Variants in CNTNAP2 observed in about 807,000 individuals in gnomAD.
CNTNAP2 encodes contactin-associated protein-like 2.
Under a neutral mutation model 155.2 loss-of-function variants are expected in CNTNAP2, and 98 were observed. That is an observed-to-expected ratio of 0.63 (90% CI 0.54 to 0.75). The LOEUF (loss-of-function observed/expected upper bound fraction) is 0.75, where lower values mean the gene tolerates loss of function less well. CNTNAP2 is among the 30% of genes least tolerant of loss of function. CNTNAP2 has a pLI of 0.00. For synonymous variants in CNTNAP2, 651 were observed against 631.2 expected, an observed-to-expected ratio of 1.03 and a Z score of -0.47; for missense variants, 1,727 against 1,688.1, an observed-to-expected ratio of 1.02 and a Z score of -0.40.
chr7:147,174,971 C>G (rs1299976237), intron 8 of CNTNAP2, among the ~76,000 whole-genome samples: 1 of 152,048 alleles, frequency 6.6e-6, no homozygotes, highest in Non-Finnish European at 1.5e-5. Context: ...TTACATCAAC[C>G]ATACCGCCGA....
intron 10 of CNTNAP2, among the ~76,000 whole-genome samples, chr7:147,438,892 G>A (rs1352234126): frequency 6.6e-6 from 1 of 151,864 alleles, no homozygotes; most frequent in African/African-American, 2.4e-5. Context: ...GTTGCTCATA[G>A]TAGCCACTGA....
At chr7:147,579,464 G>A (rs910748216) in intron 12 of CNTNAP2, among the ~76,000 whole-genome samples, 7 of 152,192 alleles carry the variant, frequency 4.6e-5, no homozygotes, top group African/African-American at 1.4e-4. Context: ...GTTATAATAT[G>A]CCAGTGATAC....
chr7:146,148,491 A>G (rs1562967884), intron 1 of CNTNAP2, among the ~76,000 whole-genome samples: 1 of 152,158 alleles, frequency 6.6e-6, no homozygotes, highest in African/African-American at 2.4e-5. Context: ...GGTTAATTAC[A>G]TAGTAATGAA....
intron 14 of CNTNAP2, among the ~76,000 whole-genome samples, chr7:147,938,598 T>A (rs1800658738): frequency 6.6e-6 from 1 of 152,156 alleles, no homozygotes. Context: ...ATTACAGGAA[T>A]ATGAAGATAA....
chr7:147,512,944 A>T (rs1799047524), intron 11 of CNTNAP2, among the ~76,000 whole-genome samples: 2 of 152,190 alleles, frequency 1.3e-5, no homozygotes, highest in Admixed American at 1.3e-4. Context: ...TGTTTGACAG[A>T]GAAAACATAA....
chr7:147,726,590 C>T (rs556084271), intron 13 of CNTNAP2, among the ~76,000 whole-genome samples: 1 of 151,962 alleles, frequency 6.6e-6, no homozygotes, highest in South Asian at 2.1e-4. Flanking sequence ...AGCAAGGGTC[C>T]GAGAAGGTTG....
intron 1 of CNTNAP2, among the ~76,000 whole-genome samples, chr7:146,510,099 G>C (rs1410216121): frequency 6.6e-6 from 1 of 152,196 alleles, no homozygotes; most frequent in Non-Finnish European, 1.5e-5. Context: ...CTGGTGAACA[G>C]GTGGCAGGCA....
At chr7:147,201,860 G>A (rs1247291395) in intron 8 of CNTNAP2, among the ~76,000 whole-genome samples, 1 of 152,210 alleles carries the variant, frequency 6.6e-6, no homozygotes, top group African/African-American at 2.4e-5. Flanking sequence ...ATCTAGCATT[G>A]TACATTAAAG....
intron 11 of CNTNAP2, among the ~76,000 whole-genome samples, chr7:147,527,929 A>G (rs1799355917): frequency 6.6e-6 from 1 of 152,224 alleles, no homozygotes; most frequent in East Asian, 1.9e-4. Flanking sequence ...AACAAACAAA[A>G]AAAGTGCATT....
chr7:146,953,641 T>A (rs1231941495), intron 3 of CNTNAP2, among the ~76,000 whole-genome samples: 1 of 151,970 alleles, frequency 6.6e-6, no homozygotes, highest in African/African-American at 2.4e-5. Context: ...AAAATCTTTG[T>A]TTATTAATTT....
intron 13 of CNTNAP2, among the ~76,000 whole-genome samples, chr7:147,818,503 G>A (rs185848867): frequency 1.5e-3 from 224 of 152,264 alleles, no homozygotes; most frequent in Non-Finnish European, 2.3e-3. Context: ...TGGATGCCCC[G>A]TGCACTCACG....
rs187540850 is a variant in CNTNAP2 at position 148,019,931 on chromosome 7, C to T, written c.2383+41942C>T. 3.9e-5 allele frequency among the ~76,000 whole-genome samples: 6 copies of T among 152,228 alleles called. No homozygotes were observed. The South Asian group carries it at 8.3e-4, about 21-fold the overall frequency. ...TCCCAAGTAGCTGGGATTACAGGTGCCTGCCACCACGCCCAGCTAATTTCT... is the reference window on the plus strand; with the variant it reads ...TCCCAAGTAGCTGGGATTACAGGTGTCTGCCACCACGCCCAGCTAATTTCT... On this transcript the variant is annotated intron_variant, in intron 15 of 23. Coordinates refer to ENST00000361727, the MANE Select transcript of CNTNAP2 (RefSeq NM_014141.6).
chr7:147,670,912 C>T (rs566093140), intron 13 of CNTNAP2, among the ~76,000 whole-genome samples: 1 of 152,322 alleles, frequency 6.6e-6, no homozygotes, highest in Admixed American at 6.5e-5. Context: ...ACACTCAAGC[C>T]GTCCACGGAT....
At chr7:148,386,218 TTATACCAA>T (rs1236038532) in intron 22 of CNTNAP2, among the ~76,000 whole-genome samples, 1 of 152,174 alleles carries the variant, frequency 6.6e-6, no homozygotes, top group Non-Finnish European at 1.5e-5. Context: ...GCAATTGTCA[TTATACCAA>T]TTACAAGGAC....
chr7:146,590,337 A>G (rs1798762401), intron 1 of CNTNAP2, among the ~76,000 whole-genome samples: 1 of 152,118 alleles, frequency 6.6e-6, no homozygotes, highest in Non-Finnish European at 1.5e-5. Context: ...CATAACACAC[A>G]ATTTCAACAT....
intron 13 of CNTNAP2, among the ~76,000 whole-genome samples, chr7:147,867,621 A>G (rs530748764): frequency 6.4e-4 from 98 of 152,182 alleles, no homozygotes; most frequent in Non-Finnish European, 1.3e-3. Flanking sequence ...ACATAGTCCC[A>G]TGTTTCTTGG....
chr7:147,829,955 C>T (rs1798521430), intron 13 of CNTNAP2, among the ~76,000 whole-genome samples: 1 of 151,992 alleles, frequency 6.6e-6, no homozygotes, highest in Non-Finnish European at 1.5e-5. Flanking sequence ...CATCTGCTTA[C>T]CCCGAGAAGG....
intron 1 of CNTNAP2, among the ~76,000 whole-genome samples, chr7:146,388,126 T>G (rs1184343642): frequency 6.6e-6 from 1 of 151,816 alleles, no homozygotes; most frequent in African/African-American, 2.4e-5. Context: ...TATTTTATAT[T>G]TTTTCTTCTC....
chr7:146,196,140 A>C (rs1798772084), intron 1 of CNTNAP2, among the ~76,000 whole-genome samples: 1 of 152,228 alleles, frequency 6.6e-6, no homozygotes, highest in Non-Finnish European at 1.5e-5. Context: ...GCACAATTAC[A>C]TTTGAGTGCA....
Sources: allele counts gnomAD v4.1 joint callset (sites outside exome capture counted in the v4.1 genomes callset), GRCh38; gene constraint gnomAD v4.1.1; transcripts MANE v1.5; gene names NCBI Gene and HGNC (gene_info 2026-07-23, HGNC 2026-07-21).